The following RNF213 variants were observed in gnomAD, a reference collection of about 807,000 sequenced individuals.
The protein encoded by RNF213 is ring finger protein 213.
Under a neutral mutation model 514.4 loss-of-function variants are expected in RNF213, and 341 were observed. The ratio of observed to expected loss-of-function variants is 0.66; its 90% CI spans 0.61 to 0.73. The LOEUF (loss-of-function observed/expected upper bound fraction) is 0.73. RNF213 is among the 30% of genes least tolerant of loss of function. The probability of loss-of-function intolerance (pLI) is 0.00; values close to 1 mark genes in which losing one functional copy is unlikely to be tolerated. For synonymous variants in RNF213, 2,655 were observed against 2,658.2 expected (o/e 1.00, Z 0.04); for missense variants, 5,767 against 6,615.6 (o/e 0.87, Z 4.45).
intron 36 of RNF213, 25 bp from the exon 37 acceptor site, chr17:80,358,263 G>A: frequency 6.2e-7 from 1 of 1,611,430 alleles, no homozygotes; most frequent in Non-Finnish European, 8.5e-7. Flanking sequence ...GACCCGTGGT[G>A]GCCCATCTCT....
chr17:80,265,044 G>GTTTTTTTTTT, intron 2 of RNF213, among the ~76,000 whole-genome samples: 1 of 110,858 alleles, frequency 9.0e-6, no homozygotes. Context: ...ATGTTTGTTT[G>GTTTTTTTTTT]TTTTTTTTTT....
Position 80,288,784 on chromosome 17 carries a change from AG to A in RNF213, c.933+31del, listed in dbSNP as rs1441055916. On this transcript the variant is annotated intron_variant, in intron 5 of 67. Coordinates refer to ENST00000582970, the MANE Select transcript of RNF213 (RefSeq NM_001256071.3). This position sits in a 1 kb window ranked among gnomAD's most constrained non-coding sequence, Gnocchi z 4.9. ...CGTCTCCTTCCTGCCTGCCGGCTCC[AG>A]GAGGCCCTCTCCTGCCCACGGCTGC... 1 of 1,613,706 alleles carries A rather than the reference AG, an allele frequency of 6.2e-7. No individual in the cohort carries two copies. Among genetic ancestry groups the A allele is most frequent in the Non-Finnish European group, 8.5e-7 (1 of 1,180,052 alleles).
chr17:80,297,427 G>GC (rs2044996116), intron 10 of RNF213, among the ~76,000 whole-genome samples: 1 of 148,752 alleles, frequency 6.7e-6, no homozygotes, highest in Non-Finnish European at 1.5e-5. Context: ...TCCAGCCTGG[G>GC]CGACACAGTG....
intron 3 of RNF213, 32 bp from the exon 4 acceptor site, chr17:80,287,783 G>T (rs769880979): frequency 1.2e-6 from 2 of 1,607,684 alleles, no homozygotes; most frequent in Non-Finnish European, 1.7e-6. Context: ...GTAAATCTAA[G>T]AAATAAAGTG....
chr17:80,306,541 A>C, intron 12 of RNF213, 73 bp downstream of exon 12: 36 of 1,446,190 alleles, frequency 2.5e-5, no homozygotes, highest in Non-Finnish European at 3.2e-5. Context: ...TGGAAAGCTC[A>C]GGATTCTTAT....
intron 2 of RNF213, among the ~76,000 whole-genome samples, chr17:80,270,424 T>A (rs1307076582): frequency 1.3e-5 from 2 of 152,184 alleles, no homozygotes; most frequent in Non-Finnish European, 2.9e-5. Context: ...AATGCAAATC[T>A]CTTCAAATCC....
intron 6 of RNF213, 37 bp from the exon 7 acceptor site, chr17:80,290,533 T>C: frequency 6.2e-7 from 1 of 1,612,474 alleles, no homozygotes; most frequent in Non-Finnish European, 8.5e-7. Context: ...TGGACAGATC[T>C]CACGGGAATC....
chr17:80,361,758 T>A lies in RNF213; in HGVS notation c.11225T>A (p.Ile3742Asn), dbSNP rs1330477996. Reference protein sequence around the residue: ...AEGLPKKFVDIFQQTPLGRFL... With the variant: ...AEGLPKKFVDNFQQTPLGRFL... ...GGACTGCCCAAGAAGTTCGTGGACA[T>A]CTTTCAGCAGACTCCTCTGGGCAGG... Residue 3742 changes from isoleucine to asparagine, a missense_variant, in exon 39 of 68, where the codon ATC becomes AAC. Physicochemically the swap from Ile to Asn is moderately radical, Grantham distance 149. Around this residue, in one of 13 missense-constraint regions of RNF213, gnomAD observed 355 missense variants for 358.0 expected, o/e 0.99. Transcript: ENST00000582970. 1.1e-5 allele frequency: 18 copies of A among 1,613,916 alleles called. No homozygotes were observed. Among genetic ancestry groups the A allele is most frequent in the Non-Finnish European group, 1.4e-5 (17 of 1,179,860 alleles).
At chr17:80,278,030 GCTGA>G (rs2044131798) in intron 3 of RNF213, among the ~76,000 whole-genome samples, 1 of 152,242 alleles carries the variant, frequency 6.6e-6, no homozygotes, top group African/African-American at 2.4e-5. Context: ...GCCGCTGGTT[GCTGA>G]CTAACAGGGT....
chr17:80,392,623 T>G (rs958547523), intron 67 of RNF213, among the ~76,000 whole-genome samples: 2 of 151,740 alleles, frequency 1.3e-5, no homozygotes, highest in African/African-American at 4.8e-5. Context: ...TTTTTCTCGC[T>G]CTGTCGCCCA....
chr17:80,287,767 A>G, intron 3 of RNF213, 48 bp from the exon 4 acceptor site: 1 of 1,594,276 alleles, frequency 6.3e-7, no homozygotes, highest in South Asian at 1.1e-5. Flanking sequence ...CACGGGCTAG[A>G]GTAGAGTAAA....
chr17:80,274,524 T>C (rs1295238909), intron 3 of RNF213, among the ~76,000 whole-genome samples: 6 of 124,164 alleles, frequency 4.8e-5, no homozygotes, highest in Non-Finnish European at 8.4e-5. Flanking sequence ...TGTCGTTCCT[T>C]GTAGGTGGCA....
intron 13 of RNF213, among the ~76,000 whole-genome samples, chr17:80,308,507 C>T (rs191911212): frequency 2.9e-4 from 44 of 151,770 alleles, no homozygotes; most frequent in African/African-American, 9.4e-4. Flanking sequence ...TGAGTCCCTC[C>T]TAAGGCTCCT....
In RNF213 at chr17:80,393,875, T is replaced by C. The variant is rs1406939226; in HGVS notation, c.*377T>C. The C allele has an allele frequency of 8.2e-6, 2 of 243,188 alleles. No homozygotes were observed. The highest frequency in any genetic ancestry group is 1.6e-5 in the Non-Finnish European group (2 of 122,044). 15.1% of individuals were successfully genotyped at this position (243,188 alleles called of 1,614,324 possible). A position where few individuals can be genotyped will look rare whatever the true frequency, so the allele number is the denominator to read the frequency against. ...TCTGGCACTGCCCACCCCTCTTTTTTTTTTTCTTCTAATTCTGTACTCACA... is the reference window on the plus strand; with the variant it reads ...TCTGGCACTGCCCACCCCTCTTTTTCTTTTTCTTCTAATTCTGTACTCACA... On this transcript the variant is annotated 3_prime_UTR_variant, in exon 68 of 68. Transcript: ENST00000582970.
rs1468265079 is a variant in RNF213 at position 80,385,070 on chromosome 17, C to T, written c.14354C>T (p.Pro4785Leu). The change falls in exon 60 of 68, where the codon CCT becomes CTT. Residue 4785 changes from proline (P) to leucine (L), a missense_variant. By Grantham distance (98) the Pro-to-Leu change is moderately conservative. This residue lies in a region of RNF213 where 1,245 missense variants were observed against 1,339.0 expected (regional missense o/e 0.93). Transcript: ENST00000582970. ...GAGCTGAGGCTGGTAAAGTTCCTGCCTGAGATTTTGGCCTTGCAAAGGGAT... is the reference window on the plus strand; with the variant it reads ...GAGCTGAGGCTGGTAAAGTTCCTGCTTGAGATTTTGGCCTTGCAAAGGGAT... Reference protein sequence around the residue: ...EAELRLVKFLPEILALQRDLV... With the variant: ...EAELRLVKFLLEILALQRDLV... 1 of 1,614,160 alleles carries T rather than the reference C, an allele frequency of 6.2e-7. No homozygotes were observed. Among genetic ancestry groups the T allele is most frequent in the Non-Finnish European group, 8.5e-7 (1 of 1,180,018 alleles).
At chr17:80,359,586 GAGAA>G (rs1020015034) in intron 37 of RNF213, among the ~76,000 whole-genome samples, 38 of 130,248 alleles carry the variant, frequency 2.9e-4, no homozygotes, top group East Asian at 4.1e-4. Context: ...AAGGAAGAAA[GAGAA>G]AGAAAGAGCG....
chr17:80,390,046 C>T lies in RNF213; in HGVS notation c.15320C>T (p.Ala5107Val), dbSNP rs372384213. 3.6e-5 allele frequency: 58 copies of T among 1,614,100 alleles called. No individual in the cohort carries two copies. The highest frequency in any genetic ancestry group is 4.2e-5 in the Non-Finnish European group (50 of 1,180,048). ...GGGGAAATCAGTTCAAGGTACAAAG[C>T]GGATCTGAGCCCGGAAAATGCTAAG... ...PFGEISSRYK[A>V]DLSPENAKLL... Residue 5107 changes from alanine to valine, a missense_variant, in exon 67 of 68, where the codon GCG becomes GTG. Physicochemically the swap from Ala to Val is moderately conservative, Grantham distance 64. Around this residue, in one of 13 missense-constraint regions of RNF213, gnomAD observed 1,245 missense variants for 1,339.0 expected, o/e 0.93. Coordinates refer to ENST00000582970, the MANE Select transcript of RNF213 (RefSeq NM_001256071.3).
At chr17:80,280,361 G>A (rs994354124) in intron 3 of RNF213, among the ~76,000 whole-genome samples, 1 of 152,238 alleles carries the variant, frequency 6.6e-6, no homozygotes, top group African/African-American at 2.4e-5. Context: ...GTTTAGCACT[G>A]CAGAGATGTC....
At chr17:80,322,546 G>A (rs559943593) in intron 17 of RNF213, among the ~76,000 whole-genome samples, 4 of 151,962 alleles carry the variant, frequency 2.6e-5, no homozygotes, top group South Asian at 2.1e-4. Context: ...ACTGCACTCC[G>A]GCCTGGGCGA....
Sources: gnomAD v4.1 joint callset for allele counts (sites outside exome capture counted in the v4.1 genomes callset) on GRCh38, gnomAD v4.1.1 for gene constraint, gnomAD v4.1.1 regional missense constraint, Gnocchi (gnomAD v3.1) non-coding constraint, MANE v1.5 for transcripts, NCBI Gene and HGNC (gene_info 2026-07-23, HGNC 2026-07-21) for gene names.